BTBD9: variants seen among roughly 807,000 people sequenced by gnomAD.
BTBD9 encodes the protein BTB/POZ domain-containing protein 9.
Under a neutral mutation model 64.3 loss-of-function variants are expected in BTBD9, and 49 were observed. The observed-to-expected ratio is 0.76, with a 90% CI of 0.61 to 0.97. The LOEUF (loss-of-function observed/expected upper bound fraction) is 0.97, where lower values mean the gene tolerates loss of function less well. BTBD9 is among the 50% of genes least tolerant of loss of function. The pLI is 0.00. For missense variants in BTBD9, 598 were observed against 762.1 expected, an observed-to-expected ratio of 0.78 and a Z score of 2.53; for synonymous variants, 260 against 274.7, an observed-to-expected ratio of 0.95 and a Z score of 0.53.
At chr6:38,359,258 G>A (rs1764858455) in intron 6 of BTBD9, among the ~76,000 whole-genome samples, 1 of 152,098 alleles carries the variant, frequency 6.6e-6, no homozygotes, top group African/African-American at 2.4e-5. Context: ...CCCATTCCAG[G>A]GTCTATGTGA....
chr6:38,426,637 G>A (rs536812112), intron 6 of BTBD9, among the ~76,000 whole-genome samples: 6 of 151,994 alleles, frequency 3.9e-5, no homozygotes, highest in African/African-American at 1.2e-4. Context: ...TGCCACTCCC[G>A]ATTGGGCTAA....
chr6:38,192,621 C>T, intron 9 of BTBD9, 24 bp from the exon 10 acceptor site: 1 of 1,603,302 alleles, frequency 6.2e-7, no homozygotes, highest in Non-Finnish European at 8.5e-7. Context: ...CAACCATTTG[C>T]CTGATTAGAT....
rs1298224556 is a variant in BTBD9, at chr6:38,344,977, TA to T, written c.1264+6del. ...TATACATACAAAAATCTAATGGTAA[TA>T]CTTACCTATCAGCCCCTTCTCAAGA... On this transcript the variant is annotated splice_donor_region_variant and intron_variant, in intron 7 of 10. Coordinates refer to ENST00000481247, the MANE Select transcript of BTBD9 (RefSeq NM_001099272.2). 4 of 1,534,762 alleles carry T rather than the reference TA, an allele frequency of 2.6e-6. No individual in the cohort carries two copies. The highest frequency in any genetic ancestry group is 2.7e-6 in the Non-Finnish European group (3 of 1,114,420).
At chr6:38,200,962 G>A (rs998477180) in intron 9 of BTBD9, among the ~76,000 whole-genome samples, 3 of 152,094 alleles carry the variant, frequency 2.0e-5, no homozygotes, top group Admixed American at 2.0e-4. Context: ...TGCGATTGCA[G>A]TGAGCATTGA....
chr6:38,245,957 G>A (rs961626276), intron 9 of BTBD9, among the ~76,000 whole-genome samples: 10 of 151,906 alleles, frequency 6.6e-5, no homozygotes, highest in African/African-American at 1.5e-4. Context: ...ACAGAATAAC[G>A]TGGCTCCTGG....
intron 6 of BTBD9, among the ~76,000 whole-genome samples, chr6:38,551,294 C>T (rs964369806): frequency 1.3e-5 from 2 of 152,106 alleles, no homozygotes; most frequent in South Asian, 4.2e-4. Flanking sequence ...TCAGGCAGGG[C>T]GATGTTCACT....
chr6:38,319,445 G>A (rs1763150234), intron 7 of BTBD9, among the ~76,000 whole-genome samples: 2 of 151,986 alleles, frequency 1.3e-5, no homozygotes, highest in African/African-American at 2.4e-5. Context: ...CTCACAGTGT[G>A]TACTACTTGG....
chr6:38,277,774 T>C (rs1761336181), intron 8 of BTBD9, among the ~76,000 whole-genome samples: 1 of 152,210 alleles, frequency 6.6e-6, no homozygotes. Context: ...TTATATACTT[T>C]AAATGGGTGA....
chr6:38,290,781 AGCACAACCCT>A (rs1269032315), intron 7 of BTBD9, among the ~76,000 whole-genome samples: 2 of 152,184 alleles, frequency 1.3e-5, no homozygotes, highest in African/African-American at 4.8e-5. Context: ...GGGACTAGAA[AGCACAACCCT>A]GCTGTGTGCC....
At chr6:38,518,792 G>A (rs1423010230) in intron 6 of BTBD9, among the ~76,000 whole-genome samples, 5 of 152,214 alleles carry the variant, frequency 3.3e-5, no homozygotes, top group Non-Finnish European at 2.9e-5. Flanking sequence ...TGGCTGGTTG[G>A]AGAGGCATGT....
At chr6:38,612,232 A>G (rs1777637696) in intron 1 of BTBD9, among the ~76,000 whole-genome samples, 1 of 152,238 alleles carries the variant, frequency 6.6e-6, no homozygotes, top group Middle Eastern at 3.2e-3. Context: ...AAGCAAGTGT[A>G]TAAGAATGGA....
intron 9 of BTBD9, among the ~76,000 whole-genome samples, chr6:38,223,523 A>T (rs1414718837): frequency 6.6e-6 from 1 of 152,192 alleles, no homozygotes; most frequent in African/African-American, 2.4e-5. Flanking sequence ...GTTTTTGTAG[A>T]GATGAGGTCT....
intron 7 of BTBD9, among the ~76,000 whole-genome samples, chr6:38,338,033 C>T (rs1025009660): frequency 3.9e-5 from 6 of 152,126 alleles, no homozygotes; most frequent in Non-Finnish European, 7.4e-5. Context: ...GTAAGTGTAC[C>T]GACAGCTTCA....
intron 6 of BTBD9, among the ~76,000 whole-genome samples, chr6:38,385,232 C>T (rs539413149): frequency 1.7e-4 from 26 of 150,268 alleles, no homozygotes; most frequent in African/African-American, 6.1e-4. Context: ...TGCTCTGTCG[C>T]CCAGGCTGGG....
At chr6:38,529,883 C>A (rs532273892) in intron 6 of BTBD9, among the ~76,000 whole-genome samples, 1 of 151,964 alleles carries the variant, frequency 6.6e-6, no homozygotes, top group Non-Finnish European at 1.5e-5. Flanking sequence ...TTTTAGGGAA[C>A]AAGGGAAGAC....
At chr6:38,183,228 C>T (rs868843743) in intron 10 of BTBD9, among the ~76,000 whole-genome samples, 2 of 152,182 alleles carry the variant, frequency 1.3e-5, no homozygotes, top group African/African-American at 2.4e-5. Flanking sequence ...CTGCCCGCCT[C>T]GGCCTCCCAA....
At chr6:38,435,580 CTTCT>C (rs1399642347) in intron 6 of BTBD9, among the ~76,000 whole-genome samples, 6 of 146,782 alleles carry the variant, frequency 4.1e-5, no homozygotes, top group South Asian at 2.3e-4. Flanking sequence ...TCTTTCCTTC[CTTCT>C]TTCTTTTCTT....
chr6:38,520,385 C>G (rs968843726), intron 6 of BTBD9, among the ~76,000 whole-genome samples: 4 of 151,750 alleles, frequency 2.6e-5, no homozygotes, highest in African/African-American at 4.8e-5. Flanking sequence ...CACTTGAACC[C>G]GAGAGGCAGA....
At chr6:38,395,333 G>A (rs1766618765) in intron 6 of BTBD9, among the ~76,000 whole-genome samples, 1 of 152,124 alleles carries the variant, frequency 6.6e-6, no homozygotes, top group Non-Finnish European at 1.5e-5. Context: ...CTACTCAGGA[G>A]GCTGAGGTGG....
Sources: allele counts gnomAD v4.1 joint callset (sites outside exome capture counted in the v4.1 genomes callset), GRCh38; gene constraint gnomAD v4.1.1; transcripts MANE v1.5; gene names NCBI Gene and HGNC (gene_info 2026-07-23, HGNC 2026-07-21).